The following C4orf51 variants were observed in gnomAD, a reference collection of about 807,000 sequenced individuals.
C4orf51 encodes the protein uncharacterized protein C4orf51.
In C4orf51, 25 loss-of-function variants were observed where a neutral mutation model predicts 25.2. The ratio of observed to expected loss-of-function variants is 0.99; its 90% CI spans 0.72 to 1.39. The LOEUF is 1.39. Among genes scored for constraint, C4orf51 ranks in the 40% most tolerant of loss-of-function variants. C4orf51 has a pLI of 0.00. For missense variants in C4orf51, 252 were observed against 239.6 expected (o/e 1.05, Z -0.34); for synonymous variants, 100 against 84.5 (o/e 1.18, Z -1.01).
chr4:145,785,779 T>C, the C4orf51 span, among the ~76,000 whole-genome samples: 2 of 152,186 alleles, frequency 1.3e-5, no homozygotes, highest in Non-Finnish European at 2.9e-5. Flanking sequence ...CCACATGAAA[T>C]CAATGCCAAA....
chr4:145,753,347 A>G (rs1733785069), intron 1 of C4orf51, among the ~76,000 whole-genome samples: 1 of 151,736 alleles, frequency 6.6e-6, no homozygotes, highest in South Asian at 2.1e-4. Flanking sequence ...CATATTTATT[A>G]TGTTTCTATC....
chr4:145,732,646 C>A lies in C4orf51; in HGVS notation c.*86C>A. On this transcript the variant is annotated 3_prime_UTR_variant, in exon 6 of 6. Coordinates refer to ENST00000438731, the MANE Select transcript of C4orf51 (RefSeq NM_001080531.3). ...TATGGGGCCCTCCCAACACCCTCCC[C>A]CCACCCGCCCCGCCCAGGAACGTCT... The A allele has an allele frequency of 1.2e-6, 1 of 812,124 alleles. No individual in the cohort carries two copies. Among genetic ancestry groups the A allele is most frequent in the East Asian group, 2.8e-5 (1 of 36,054 alleles). The allele number at this position is 812,124 out of a possible 1,614,324, so 50.3% of individuals were successfully genotyped here.
chr4:145,772,046 T>C (rs1736368812), downstream of C4orf51, among the ~76,000 whole-genome samples: 1 of 152,184 alleles, frequency 6.6e-6, no homozygotes. Flanking sequence ...GGATCGAGAA[T>C]TCAGTGTGTG....
At chr4:145,725,929 A>C (rs909891720) in intron 2 of C4orf51, among the ~76,000 whole-genome samples, 1 of 152,210 alleles carries the variant, frequency 6.6e-6, no homozygotes, top group Non-Finnish European at 1.5e-5. Context: ...CAAGGTTTAT[A>C]AGTTATATAT....
chr4:145,747,734 CTCTTTT>C (rs1258767074), intron 1 of C4orf51, among the ~76,000 whole-genome samples: 10 of 120,644 alleles, frequency 8.3e-5, no homozygotes, highest in African/African-American at 2.5e-4. Flanking sequence ...CTCTCTCTTT[CTCTTTT>C]TCTTTTCCTT....
intron 1 of C4orf51, among the ~76,000 whole-genome samples, chr4:145,690,953 C>G (rs916948906): frequency 2.0e-5 from 3 of 147,348 alleles, no homozygotes; most frequent in Non-Finnish European, 2.9e-5. Context: ...CCACCCCCCA[C>G]AAAAAAAGAA....
chr4:145,698,116 A>T (rs544966239), intron 2 of C4orf51, among the ~76,000 whole-genome samples: 2 of 152,252 alleles, frequency 1.3e-5, no homozygotes, highest in South Asian at 4.1e-4. Context: ...GGCCATGTGT[A>T]TGTGTTATTT....
At chr4:145,727,993 A>AT (rs1193664334) in intron 3 of C4orf51, among the ~76,000 whole-genome samples, 1 of 133,218 alleles carries the variant, frequency 7.5e-6, no homozygotes, top group African/African-American at 2.8e-5. Context: ...TATATATAAT[A>AT]TATTATATAT....
At chr4:145,789,507 T>A in the C4orf51 span, among the ~76,000 whole-genome samples, 14 of 152,320 alleles carry the variant, frequency 9.2e-5, no homozygotes, top group East Asian at 2.7e-3. Flanking sequence ...TTTAACCTTA[T>A]AGCAGCACTA....
chr4:145,694,746 G>A (rs930956217), intron 1 of C4orf51, among the ~76,000 whole-genome samples: 21 of 151,436 alleles, frequency 1.4e-4, no homozygotes, highest in African/African-American at 3.6e-4. Flanking sequence ...CCCTCTGCCC[G>A]GCCAAGTTTT....
chr4:145,747,821 CCTT>C (rs1403188919), intron 1 of C4orf51, among the ~76,000 whole-genome samples: 2 of 151,306 alleles, frequency 1.3e-5, no homozygotes, highest in Non-Finnish European at 3.0e-5. Flanking sequence ...CTCCCTCCCT[CCTT>C]CTTTCTTGTT....
chr4:145,743,216 A>T (rs1029030441), intron 1 of C4orf51, among the ~76,000 whole-genome samples: 1 of 152,162 alleles, frequency 6.6e-6, no homozygotes, highest in Non-Finnish European at 1.5e-5. Context: ...CTTCTGTCTT[A>T]GTCTGTTTTG....
the C4orf51 span, among the ~76,000 whole-genome samples, chr4:145,790,190 C>A: frequency 6.6e-6 from 1 of 152,114 alleles, no homozygotes; most frequent in Non-Finnish European, 1.5e-5. Flanking sequence ...CTATAATTTA[C>A]TATAAAATAT....
At chr4:145,727,145 A>G (rs1323349989) in intron 3 of C4orf51, among the ~76,000 whole-genome samples, 176 bp downstream of exon 3, 2 of 152,264 alleles carry the variant, frequency 1.3e-5, no homozygotes, top group Non-Finnish European at 1.5e-5. Context: ...ATAGGAACAC[A>G]ACAATAACCA....
At chr4:145,775,425 A>G (rs1049375132), downstream of C4orf51, among the ~76,000 whole-genome samples, 2 of 151,044 alleles carry the variant, frequency 1.3e-5, no homozygotes, top group African/African-American at 2.4e-5. Context: ...ATATTTCCTC[A>G]GCTTTTTTTT....
chr4:145,779,697 G>T, the C4orf51 span, among the ~76,000 whole-genome samples: 1 of 152,226 alleles, frequency 6.6e-6, no homozygotes, highest in African/African-American at 2.4e-5. Context: ...GAAAGCTGCG[G>T]TGGCAAGTGG....
At chr4:145,712,149 C>G (rs1578972671) in intron 2 of C4orf51, among the ~76,000 whole-genome samples, 1 of 152,226 alleles carries the variant, frequency 6.6e-6, no homozygotes, top group East Asian at 1.9e-4. Flanking sequence ...CCCCTTGGGC[C>G]CCCCACTTCC....
intron 1 of C4orf51, among the ~76,000 whole-genome samples, chr4:145,694,076 C>G (rs1233834114): frequency 3.5e-5 from 5 of 142,094 alleles, no homozygotes; most frequent in Non-Finnish European, 7.7e-5. Context: ...GGGTCTCGGC[C>G]GGGCAGAGGC....
chr4:145,762,504 G>A lies in C4orf51; in HGVS notation n.167-8484G>A, dbSNP rs115545130. Among the ~76,000 whole-genome samples the A allele has an allele frequency of 9.7e-3, 1,483 of 152,246 alleles. 25 individuals are homozygous for A. Among genetic ancestry groups the A allele is most frequent in the African/African-American group, 0.034 (1,418 of 41,542 alleles). The stretch of plus-strand genomic sequence containing the variant: ...GTGCTTGGTAGAGTACTTAACACAC[G>A]GTAAGCACTCAGGACATACTGGTTC... On this transcript the variant is annotated intron_variant and non_coding_transcript_variant, in intron 1 of 1. Transcript: ENST00000510096. This position sits in a 1 kb window ranked among gnomAD's most constrained non-coding sequence, Gnocchi z 4.9.
Sources: allele counts gnomAD v4.1 joint callset (sites outside exome capture counted in the v4.1 genomes callset), GRCh38; gene constraint gnomAD v4.1.1; non-coding constraint Gnocchi (gnomAD v3.1); transcripts MANE v1.5; gene names NCBI Gene and HGNC (gene_info 2026-07-23, HGNC 2026-07-21).